Variants in AGBL3 observed in about 807,000 individuals in gnomAD.
AGBL3 encodes AGBL carboxypeptidase 3, also known as cytosolic carboxypeptidase 3.
A neutral mutation model predicts 94.5 loss-of-function variants in AGBL3; 68 were observed. The observed-to-expected ratio is 0.72, with a 90% CI of 0.59 to 0.88. AGBL3 has a LOEUF of 0.88. Among genes scored for constraint, AGBL3 ranks in the 40% least tolerant of loss-of-function variants. The probability of loss-of-function intolerance (pLI) is 0.00; values close to 1 mark genes in which losing one functional copy is unlikely to be tolerated. For missense variants in AGBL3, 934 were observed against 1,103.8 expected (o/e 0.85, Z 2.18); for synonymous variants, 354 against 370.7 (o/e 0.95, Z 0.52).
At chr7:135,099,684 T>G (rs1235040626) in intron 15 of AGBL3, among the ~76,000 whole-genome samples, 1 of 152,132 alleles carries the variant, frequency 6.6e-6, no homozygotes, top group East Asian at 1.9e-4. Flanking sequence ...ACTTTTTGGA[T>G]AACCATTGCT....
At chr7:135,009,458 A>G (rs905034411) in intron 4 of AGBL3, among the ~76,000 whole-genome samples, 1 of 151,504 alleles carries the variant, frequency 6.6e-6, no homozygotes, top group Admixed American at 6.6e-5. Flanking sequence ...ATATGCCTAC[A>G]TCTCACTCAA....
chr7:135,125,565 C>G (rs1020633638), intron 16 of AGBL3, among the ~76,000 whole-genome samples: 12 of 152,138 alleles, frequency 7.9e-5, no homozygotes, highest in African/African-American at 2.4e-4. Flanking sequence ...CATCCTGATA[C>G]CAAAACCAGG....
chr7:135,030,896 C>T (rs1815669241), intron 5 of AGBL3, among the ~76,000 whole-genome samples: 1 of 152,056 alleles, frequency 6.6e-6, no homozygotes, highest in Admixed American at 6.5e-5. Context: ...TTATGGCATA[C>T]AAAATGATGT....
Position 135,122,164 on chromosome 7 carries a change from A to G in AGBL3, c.2342+6553A>G, listed in dbSNP as rs1336360302. On this transcript the variant is annotated intron_variant, in intron 16 of 16. Transcript: ENST00000436302. Reference sequence around the variant, plus strand: ...CCTGGGTGGTGGAAGGGCATCATCCATCTCTATAGCTCCAGGCTGTGCTTT... The same window carrying G: ...CCTGGGTGGTGGAAGGGCATCATCCGTCTCTATAGCTCCAGGCTGTGCTTT... Among the ~76,000 whole-genome samples the G allele has an allele frequency of 2.6e-5, 4 of 152,264 alleles. No homozygotes were observed. In the South Asian group the frequency reaches 6.2e-4, roughly 24 times the overall value.
chr7:135,000,218 G>A (rs980585691), intron 4 of AGBL3, among the ~76,000 whole-genome samples: 8 of 152,200 alleles, frequency 5.3e-5, no homozygotes, highest in African/African-American at 1.7e-4. Context: ...CAGTATAATG[G>A]TTAATTTTAT....
At position 135,047,101 on chromosome 7, in the gene AGBL3, T is replaced by C. The variant is rs558267123; in HGVS notation, c.1841+1190T>C. On this transcript the variant is annotated intron_variant, in intron 11 of 16. Transcript: ENST00000436302. ...CCTCTAGAAACCACCATTTGACTTT[T>C]ATTTTATGAATTTGACATTTTAGAT... Among the ~76,000 whole-genome samples, 81 of 152,196 alleles carry C rather than the reference T, an allele frequency of 5.3e-4. 1 individual carries two copies. Among genetic ancestry groups the C allele is most frequent in the African/African-American group, 1.8e-3 (75 of 41,564 alleles).
intron 11 of AGBL3, among the ~76,000 whole-genome samples, chr7:135,047,395 G>A (rs1190489664): frequency 6.6e-6 from 1 of 152,036 alleles, no homozygotes; most frequent in African/African-American, 2.4e-5. Context: ...TAAATACCCA[G>A]AAGTAAGACT....
rs748123514 is a variant in AGBL3, at chr7:135,034,752, T to C, written c.1161T>C (p.Asp387=). The part of the protein sequence containing the change: ...FLDYILGNSS[D]AQLLRDTFVF... ...ATTATATTTTAGGAAACTCAAGTGA[T>C]GCACAGTTGCTTCGGGACACTTTTG... Residue 387 remains aspartate, a synonymous_variant, in exon 7 of 17, where the codon GAT becomes GAC. Transcript: ENST00000436302. The C allele has an allele frequency of 2.6e-6, 4 of 1,551,446 alleles. No individual in the cohort carries two copies. In the South Asian group the frequency reaches 4.8e-5, roughly 18 times the overall value.
chr7:135,091,518 T>C (rs887168016), intron 15 of AGBL3, among the ~76,000 whole-genome samples: 3 of 152,196 alleles, frequency 2.0e-5, no homozygotes, highest in Admixed American at 2.0e-4. Flanking sequence ...TGTTCACAGG[T>C]CAAGTGTAAT....
intron 8 of AGBL3, among the ~76,000 whole-genome samples, chr7:135,043,133 T>C (rs1817027406): frequency 6.6e-6 from 1 of 152,158 alleles, no homozygotes. Context: ...TTCCTATAAC[T>C]TTTTTAAAAG....
At chr7:135,134,155 T>C (rs1829164029) in intron 16 of AGBL3, among the ~76,000 whole-genome samples, 1 of 152,162 alleles carries the variant, frequency 6.6e-6, no homozygotes, top group Non-Finnish European at 1.5e-5. Flanking sequence ...TCAATGTCAA[T>C]ATCCTGATTG....
Position 135,017,109 on chromosome 7 carries a change from C to T in AGBL3, c.368C>T (p.Pro123Leu), listed in dbSNP as rs547174560. ...ATCCCAACGGGCTTAGAAACGGAAC[C>T]CCTTTATCCAGACTCCAAGGAAGCT... ...VYIPTGLETE[P>L]LYPDSKEATV... is the part of the protein sequence containing the mutation. The change falls in exon 5 of 17, where the codon CCC becomes CTC. Residue 123 changes from proline to leucine, a missense_variant. Coordinates refer to ENST00000436302, the MANE Select transcript of AGBL3 (RefSeq NM_178563.4). 2 of 1,551,114 alleles carry T rather than the reference C, an allele frequency of 1.3e-6. No individual in the cohort carries two copies. The highest frequency in any genetic ancestry group is 2.0e-5 in the Admixed American group (1 of 50,972).
intron 3 of AGBL3, among the ~76,000 whole-genome samples, chr7:134,990,194 C>T (rs1264382572): frequency 6.6e-6 from 1 of 152,108 alleles, no homozygotes; most frequent in Non-Finnish European, 1.5e-5. Flanking sequence ...TAGAACATTA[C>T]CAAAAGCAAG....
chr7:135,013,040 A>G (rs1813353129), intron 4 of AGBL3, among the ~76,000 whole-genome samples: 1 of 152,224 alleles, frequency 6.6e-6, no homozygotes, highest in Non-Finnish European at 1.5e-5. Flanking sequence ...ATATATGACA[A>G]AAGACTTGTA....
chr7:135,003,755 G>T (rs1394434309), intron 4 of AGBL3, among the ~76,000 whole-genome samples: 1 of 150,930 alleles, frequency 6.6e-6, no homozygotes, highest in Non-Finnish European at 1.5e-5. Flanking sequence ...ATTTCAAATA[G>T]AATATTTACT....
At chr7:135,035,236 G>T (rs983320375) in intron 7 of AGBL3, among the ~76,000 whole-genome samples, 2 of 151,856 alleles carry the variant, frequency 1.3e-5, no homozygotes, top group Non-Finnish European at 2.9e-5. Context: ...AAAGATAATG[G>T]TAGCACTGAT....
intron 12 of AGBL3, among the ~76,000 whole-genome samples, chr7:135,068,020 C>A (rs1256831783): frequency 6.6e-6 from 1 of 152,082 alleles, no homozygotes; most frequent in Non-Finnish European, 1.5e-5. Flanking sequence ...ACTAGAATAA[C>A]CAATGCAGAG....
At chr7:134,995,033 A>G (rs1448916551) in intron 4 of AGBL3, among the ~76,000 whole-genome samples, 1 of 152,134 alleles carries the variant, frequency 6.6e-6, no homozygotes, top group Admixed American at 6.5e-5. Context: ...AAAAAAGTCC[A>G]ACAGAGAAAA....
At position 135,044,165 on chromosome 7, in the gene AGBL3, T is replaced by A. The variant is rs911923577; in HGVS notation, c.1627+14T>A. On this transcript the variant is annotated intron_variant, in intron 9 of 16. Coordinates refer to ENST00000436302, the MANE Select transcript of AGBL3 (RefSeq NM_178563.4). The stretch of plus-strand genomic sequence containing the variant: ...GATCTACTCTGGGTAAGACCAAGGG[T>A]TCTCATTCACAGCTCTCAAAGCTTT... The A allele has an allele frequency of 1.2e-5, 19 of 1,538,818 alleles. No homozygotes were observed. Among genetic ancestry groups the A allele is most frequent in the African/African-American group, 2.8e-5 (2 of 72,620 alleles).
Sources: gnomAD v4.1 joint callset for allele counts (sites outside exome capture counted in the v4.1 genomes callset) on GRCh38, gnomAD v4.1.1 for gene constraint, MANE v1.5 for transcripts, NCBI Gene and HGNC (gene_info 2026-07-23, HGNC 2026-07-21) for gene names.